ZNF746: variants seen among roughly 807,000 people sequenced by gnomAD.
ZNF746 encodes the protein zinc finger protein 746.
A neutral mutation model predicts 41.0 loss-of-function variants in ZNF746; 13 were observed. That is an observed-to-expected ratio of 0.32 (90% confidence interval 0.21 to 0.50). The LOEUF (loss-of-function observed/expected upper bound fraction) is 0.50. Ranked by LOEUF, ZNF746 falls within the 20% of genes least tolerant of loss-of-function variation. The pLI is 0.98. For missense variants in ZNF746, 811 were observed against 922.9 expected (o/e 0.88, Z 1.57); for synonymous variants, 424 against 396.2 (o/e 1.07, Z -0.83).
rs1455291013 is a variant in ZNF746, at chr7:149,473,507, T to A, written c.*877A>T. 1 of 152,138 alleles carries A rather than the reference T, an allele frequency of 6.6e-6. No homozygotes were observed. The highest frequency in any genetic ancestry group is 1.5e-5 in the Non-Finnish European group (1 of 68,046). 9.4% of individuals were successfully genotyped at this position (152,138 alleles called of 1,614,324 possible). A position where few individuals can be genotyped will look rare whatever the true frequency, so the allele number is the denominator to read the frequency against. Reference sequence around the variant, plus strand: ...GAAAATAAGAAACTACCACACAAAGTGAACAGGAGACAGAAGCATCTCACG... The same window carrying A: ...GAAAATAAGAAACTACCACACAAAGAGAACAGGAGACAGAAGCATCTCACG... On this transcript the variant is annotated 3_prime_UTR_variant, in exon 7 of 7. Coordinates refer to ENST00000458143, the MANE Select transcript of ZNF746 (RefSeq NM_001394198.1).
chr7:149,496,777 G>T (rs1290087386), intron 1 of ZNF746: 1 of 981,702 alleles, frequency 1.0e-6, no homozygotes, highest in Admixed American at 6.2e-5. Flanking sequence ...GGAGCCCACC[G>T]CAAGCTTCCA....
At chr7:149,488,296 A>G (rs973582047) in intron 4 of ZNF746, 1 of 152,206 alleles carries the variant, frequency 6.6e-6, no homozygotes, top group African/African-American at 2.4e-5. Flanking sequence ...AAATTTATAA[A>G]AAAAATAGAG....
At chr7:149,481,008 A>G (rs1800469321) in intron 4 of ZNF746, among the ~76,000 whole-genome samples, 1 of 152,216 alleles carries the variant, frequency 6.6e-6, no homozygotes, top group South Asian at 2.1e-4. Flanking sequence ...AAAGCAGGAT[A>G]AAAGAAAATA....
At chr7:149,492,007 T>C in intron 4 of ZNF746, 1 of 702,904 alleles carries the variant, frequency 1.4e-6, no homozygotes, top group East Asian at 2.7e-5. Flanking sequence ...TACCAAACCA[T>C]AAGGCTGACC....
Position 149,475,448 on chromosome 7 carries a change from C to T in ZNF746, c.919G>A (p.Glu307Lys). The T allele has an allele frequency of 6.2e-7, 1 of 1,613,320 alleles. No homozygotes were observed. The highest frequency in any genetic ancestry group is 8.5e-7 in the Non-Finnish European group (1 of 1,179,574). Residue 307 changes from glutamate to lysine, a missense_variant, in exon 7 of 7, where the codon GAA becomes AAA. By Grantham distance (56) the Glu-to-Lys change is moderately conservative. This residue lies in a region of ZNF746 where 495 missense variants were observed against 481.6 expected (regional missense o/e 1.03). Transcript: ENST00000458143. ...VKIVIKTEVQ[E>K]EEVVATPVHP... Reference sequence around the variant, plus strand: ...ACGGGTGTGGCCACCACCTCCTCTTCCTGGACTTCTGTTTTTATTACAATT... The same window carrying T: ...ACGGGTGTGGCCACCACCTCCTCTTTCTGGACTTCTGTTTTTATTACAATT...
chr7:149,484,630 TATC>T (rs1427954643), intron 4 of ZNF746, among the ~76,000 whole-genome samples: 6 of 152,138 alleles, frequency 3.9e-5, no homozygotes, highest in African/African-American at 1.2e-4. Flanking sequence ...GGACACCTGT[TATC>T]ATCATTTCTA....
At position 149,475,103 on chromosome 7, in the gene ZNF746, C is replaced by T; in HGVS notation, c.1264G>A (p.Asp422Asn). The stretch of plus-strand genomic sequence containing the variant: ...GGGTCCAAGATGGCCTCTCCGTTGT[C>T]CGGGGAGGAGTAAGGAAGCCCCTCG... ...GPEGLPYSSP[D>N]NGEAILDPSQ... The change falls in exon 7 of 7, where the codon GAC becomes AAC. Residue 422 changes from aspartate to asparagine, a missense_variant. By Grantham distance (23) the Asp-to-Asn change is conservative. Coordinates refer to ENST00000458143, the MANE Select transcript of ZNF746 (RefSeq NM_001394198.1). 1.2e-6 allele frequency: 2 copies of T among 1,608,624 alleles called. No individual in the cohort carries two copies. The highest frequency in any genetic ancestry group is 1.1e-5 in the South Asian group (1 of 90,308).
chr7:149,496,811 TTC>T (rs1419608824), intron 1 of ZNF746: 5 of 985,196 alleles, frequency 5.1e-6, no homozygotes, highest in East Asian at 2.3e-4. Context: ...ACTCACCCCT[TTC>T]TGTTTTGCAC....
At chr7:149,478,492 A>G (rs1318171776) in intron 4 of ZNF746, among the ~76,000 whole-genome samples, 1 of 152,212 alleles carries the variant, frequency 6.6e-6, no homozygotes, top group Non-Finnish European at 1.5e-5. Flanking sequence ...CAGACACCAT[A>G]AACTGAGAAA....
At chr7:149,497,000 C>G (rs1033376557) in intron 1 of ZNF746, 6 of 985,426 alleles carry the variant, frequency 6.1e-6, no homozygotes, top group East Asian at 1.1e-4. Context: ...TGAGGACAGA[C>G]TAACGCCTCA....
intron 5 of ZNF746, among the ~76,000 whole-genome samples, chr7:149,477,273 G>T (rs759224323): frequency 2.4e-4 from 37 of 152,134 alleles, no homozygotes; most frequent in Non-Finnish European, 4.6e-4. Context: ...CTCTCGAATA[G>T]AGGCAGCCAG....
intron 1 of ZNF746, among the ~76,000 whole-genome samples, chr7:149,495,975 G>A (rs1373313218): frequency 2.1e-5 from 2 of 94,954 alleles, no homozygotes; most frequent in African/African-American, 8.8e-5. Flanking sequence ...GTGGTTCTGG[G>A]CTTGAGTCCA....
chr7:149,493,530 G>A (rs1029424626), intron 3 of ZNF746, among the ~76,000 whole-genome samples: 1 of 152,236 alleles, frequency 6.6e-6, no homozygotes, highest in Non-Finnish European at 1.5e-5. Context: ...GGGAAGCAAA[G>A]TTTTGAGGCA....
In ZNF746 at chr7:149,497,356, C is replaced by A; in HGVS notation, c.24+157G>T. 1.0e-6 allele frequency: 1 copy of A among 965,466 alleles called. No individual in the cohort carries two copies. The highest frequency in any genetic ancestry group is 1.2e-6 in the Non-Finnish European group (1 of 811,980). 59.8% of individuals were successfully genotyped at this position (965,466 alleles called of 1,614,324 possible). A position where few individuals can be genotyped will look rare whatever the true frequency, so the allele number is the denominator to read the frequency against. ...GGGCCCGGCCGACGGGCGCAGTAGGCCCCGGCGGACCCCGCGCCCCATTCG... is the reference window on the plus strand; with the variant it reads ...GGGCCCGGCCGACGGGCGCAGTAGGACCCGGCGGACCCCGCGCCCCATTCG... On this transcript the variant is annotated intron_variant, in intron 1 of 6. Coordinates refer to ENST00000458143, the MANE Select transcript of ZNF746 (RefSeq NM_001394198.1). This position sits in a 1 kb window ranked among gnomAD's most constrained non-coding sequence, Gnocchi z 4.2.
intron 4 of ZNF746, among the ~76,000 whole-genome samples, chr7:149,482,162 A>G (rs1800502932): frequency 6.6e-6 from 1 of 152,234 alleles, no homozygotes; most frequent in Admixed American, 6.5e-5. Context: ...GCACATTTCA[A>G]GTGCTCAGTA....
intron 1 of ZNF746, chr7:149,496,858 G>C (rs1435229587): frequency 2.0e-6 from 2 of 985,270 alleles, no homozygotes; most frequent in African/African-American, 1.7e-5. Context: ...CCTGGTCCTT[G>C]AACACACAGC....
In ZNF746 at chr7:149,494,447, C is replaced by G. The variant is rs1411295324; in HGVS notation, c.81G>C (p.Ser27=). Residue 27 remains serine (S), a synonymous_variant, in exon 2 of 7, where the codon TCG becomes TCC. Coordinates refer to ENST00000458143, the MANE Select transcript of ZNF746 (RefSeq NM_001394198.1). This position sits in a 1 kb window ranked among gnomAD's most constrained non-coding sequence, Gnocchi z 5.6. The stretch of plus-strand genomic sequence containing the variant: ...CTAGGGAAAGCAGGCGAGCAGCCTG[C>G]GATTCAATCTTCCTCTCCATGGCCT... ...TIQAMERKIE[S]QAARLLSLEG... is the part of the protein sequence containing the mutation. 4 of 1,613,874 alleles carry G rather than the reference C, an allele frequency of 2.5e-6. No homozygotes were observed. In the East Asian group the frequency reaches 8.9e-5, roughly 36 times the overall value.
At chr7:149,493,869 G>T in intron 3 of ZNF746, 120 bp downstream of exon 3, 5 of 1,523,582 alleles carry the variant, frequency 3.3e-6, no homozygotes, top group Non-Finnish European at 4.5e-6. Context: ...GTAACAACTT[G>T]CAAGGTCAAC....
chr7:149,492,153 G>T (rs532128988), intron 4 of ZNF746, among the ~76,000 whole-genome samples: 58 of 152,240 alleles, frequency 3.8e-4, no homozygotes, highest in Non-Finnish European at 5.9e-4. Context: ...ACATGGGTTT[G>T]AACTATGCAG....
Sources: gnomAD v4.1 joint callset for allele counts (sites outside exome capture counted in the v4.1 genomes callset) on GRCh38, gnomAD v4.1.1 for gene constraint, gnomAD v4.1.1 regional missense constraint, Gnocchi (gnomAD v3.1) non-coding constraint, MANE v1.5 for transcripts, NCBI Gene and HGNC (gene_info 2026-07-23, HGNC 2026-07-21) for gene names.